The following TRPM3 variants were observed in gnomAD, a reference collection of about 807,000 sequenced individuals.
TRPM3 encodes the protein transient receptor potential cation channel subfamily M member 3, also known as long transient receptor potential channel 3.
Under a neutral mutation model 181.2 loss-of-function variants are expected in TRPM3, and 77 were observed. That is an observed-to-expected ratio of 0.42 (90% confidence interval 0.35 to 0.51). TRPM3 has a LOEUF of 0.51. Ranked by LOEUF, TRPM3 falls within the 20% of genes least tolerant of loss-of-function variation. The pLI is 0.01. For missense variants in TRPM3, 1,759 were observed against 2,196.7 expected (o/e 0.80, Z 3.98); for synonymous variants, 745 against 796.4 (o/e 0.94, Z 1.09).
intron 9 of TRPM3, among the ~76,000 whole-genome samples, chr9:70,675,175 A>T: frequency 6.6e-6 from 1 of 152,096 alleles, no homozygotes; most frequent in East Asian, 1.9e-4. Context: ...ATCTCGGCTC[A>T]CTGCAACCTC....
At chr9:71,234,598 C>A (rs2081254845) in intron 1 of TRPM3, among the ~76,000 whole-genome samples, 2 of 152,168 alleles carry the variant, frequency 1.3e-5, no homozygotes, top group Admixed American at 1.3e-4. Flanking sequence ...TCGGCGTCTT[C>A]ACAAGGTCTT....
chr9:70,627,265 CTT>C (rs1175860330), intron 12 of TRPM3, among the ~76,000 whole-genome samples: 934 of 79,472 alleles, frequency 0.012, 2 homozygotes, highest in African/African-American at 0.037. Flanking sequence ...TCCATTGCTG[CTT>C]TTTTTTTTTT....
chr9:71,314,032 A>T, intron 1 of TRPM3, among the ~76,000 whole-genome samples: 1 of 152,160 alleles, frequency 6.6e-6, no homozygotes, highest in East Asian at 1.9e-4. Flanking sequence ...AATTCTTCAT[A>T]AACACCACTG....
intron 1 of TRPM3, among the ~76,000 whole-genome samples, chr9:71,074,784 C>T (rs2063230308): frequency 6.6e-6 from 1 of 152,066 alleles, no homozygotes; most frequent in African/African-American, 2.4e-5. Flanking sequence ...CCTGGCAATT[C>T]TGGATGCAAA....
intron 8 of TRPM3, among the ~76,000 whole-genome samples, chr9:70,699,082 T>A (rs892893600): frequency 8.5e-5 from 13 of 152,234 alleles, no homozygotes; most frequent in Non-Finnish European, 1.9e-4. Flanking sequence ...GTTAAGGCCT[T>A]GTTAAATGAC....
intron 1 of TRPM3, among the ~76,000 whole-genome samples, chr9:71,092,647 T>C (rs2066417254): frequency 6.6e-6 from 1 of 152,178 alleles, no homozygotes; most frequent in South Asian, 2.1e-4. Flanking sequence ...CCTGCTGTGA[T>C]TCTAAATTTC....
chr9:71,345,323 A>G (rs1171500398), intron 1 of TRPM3, among the ~76,000 whole-genome samples: 2 of 152,192 alleles, frequency 1.3e-5, no homozygotes, highest in Non-Finnish European at 2.9e-5. Context: ...CACAATAGCA[A>G]AGACTTGGAA....
intron 6 of TRPM3, among the ~76,000 whole-genome samples, chr9:70,788,949 C>T (rs531615642): frequency 1.5e-4 from 23 of 152,272 alleles, no homozygotes; most frequent in Admixed American, 7.8e-4. Flanking sequence ...ACTTGCCAGC[C>T]GCTCACCTAT....
chr9:70,974,956 C>T (rs2097288744), intron 1 of TRPM3, among the ~76,000 whole-genome samples: 2 of 147,044 alleles, frequency 1.4e-5, no homozygotes, highest in Admixed American at 6.9e-5. Context: ...CAACCTCCAA[C>T]TCCTGGCTTT....
intron 3 of TRPM3, 144 bp from the exon 4 acceptor site, chr9:70,846,735 G>T (rs1193489609): frequency 1.6e-6 from 1 of 635,092 alleles, no homozygotes. Flanking sequence ...GTGATCATTT[G>T]CTTTATCAAA....
chr9:71,135,237 T>C (rs780341137), intron 1 of TRPM3, among the ~76,000 whole-genome samples: 13 of 152,190 alleles, frequency 8.5e-5, no homozygotes, highest in Non-Finnish European at 1.6e-4. Context: ...TATTCCTCTT[T>C]ATTTAGCTTT....
intron 9 of TRPM3, 68 bp from the exon 10 acceptor site, chr9:70,640,728 CG>C: frequency 8.0e-7 from 1 of 1,242,706 alleles, no homozygotes. Flanking sequence ...ACACCAAGAG[CG>C]CCTGCTCCAT....
upstream of TRPM3, among the ~76,000 whole-genome samples, chr9:71,125,063 C>T (rs918278586): frequency 1.3e-5 from 2 of 152,082 alleles, no homozygotes; most frequent in African/African-American, 4.8e-5. Flanking sequence ...AGGGGAAAAA[C>T]CAGGAACAAG....
intron 9 of TRPM3, among the ~76,000 whole-genome samples, chr9:70,669,694 A>G (rs2062537517): frequency 1.3e-5 from 2 of 151,640 alleles, no homozygotes; most frequent in African/African-American, 4.8e-5. Context: ...AAAAGAGAAG[A>G]GGTGGTTTCA....
At chr9:70,765,546 C>T (rs1230502240) in intron 7 of TRPM3, among the ~76,000 whole-genome samples, 1 of 152,096 alleles carries the variant, frequency 6.6e-6, no homozygotes, top group Non-Finnish European at 1.5e-5. Context: ...ACTGAGATCA[C>T]GCATCACTGC....
chr9:70,793,389 G>A (rs1378257309), intron 6 of TRPM3, among the ~76,000 whole-genome samples: 6 of 150,058 alleles, frequency 4.0e-5, no homozygotes, highest in Non-Finnish European at 7.4e-5. Flanking sequence ...CTGGGAAGTC[G>A]AGGCTGCAGT....
chr9:70,665,520 C>T (rs973076530), intron 9 of TRPM3, among the ~76,000 whole-genome samples: 3 of 152,178 alleles, frequency 2.0e-5, no homozygotes, highest in Non-Finnish European at 4.4e-5. Context: ...CAAATAGACA[C>T]GTTCTCTTTA....
intron 1 of TRPM3, among the ~76,000 whole-genome samples, chr9:71,235,924 A>G (rs2081327707): frequency 6.6e-6 from 1 of 152,246 alleles, no homozygotes; most frequent in South Asian, 2.1e-4. Context: ...ACATATGCCT[A>G]GGATCGAGCT....
chr9:71,283,337 T>C (rs561558806), intron 1 of TRPM3, among the ~76,000 whole-genome samples: 1 of 152,212 alleles, frequency 6.6e-6, no homozygotes, highest in South Asian at 2.1e-4. Context: ...AGTTTCGCTC[T>C]GTTGCCCAGG....
Sources: allele counts gnomAD v4.1 joint callset (sites outside exome capture counted in the v4.1 genomes callset), GRCh38; gene constraint gnomAD v4.1.1; transcripts MANE v1.5; gene names NCBI Gene and HGNC (gene_info 2026-07-23, HGNC 2026-07-21).